Variants in DENND2A observed in about 807,000 individuals in gnomAD.
DENND2A encodes DENN domain containing 2A.
DENND2A carries 53 observed loss-of-function variants against 105.3 expected under a neutral mutation model. The observed-to-expected ratio is 0.50, with a 90% confidence interval of 0.40 to 0.63. The LOEUF is 0.63. Among genes scored for constraint, DENND2A ranks in the 30% least tolerant of loss-of-function variants. DENND2A has a pLI of 0.00. For synonymous variants in DENND2A, 522 were observed against 508.4 expected (o/e 1.03, Z -0.36); for missense variants, 1,138 against 1,279.6 (o/e 0.89, Z 1.69).
chr7:140,608,625 G>T (rs1482467361), intron 1 of DENND2A, among the ~76,000 whole-genome samples: 2 of 151,300 alleles, frequency 1.3e-5, no homozygotes, highest in Non-Finnish European at 2.9e-5. Context: ...GCAGTGAGCT[G>T]AGACTGAACC....
chr7:140,595,520 G>A (rs1799247917), intron 3 of DENND2A, among the ~76,000 whole-genome samples: 1 of 152,080 alleles, frequency 6.6e-6, no homozygotes, highest in Non-Finnish European at 1.5e-5. Context: ...TATAATCCTA[G>A]CACTTTGGTA....
At chr7:140,564,544 A>C (rs1797758878) in intron 9 of DENND2A, among the ~76,000 whole-genome samples, 1 of 152,214 alleles carries the variant, frequency 6.6e-6, no homozygotes, top group Non-Finnish European at 1.5e-5. Context: ...CACCATTAGA[A>C]AAGACTGGAA....
intron 5 of DENND2A, among the ~76,000 whole-genome samples, chr7:140,574,507 C>T (rs1232141793): frequency 6.6e-6 from 1 of 152,100 alleles, no homozygotes; most frequent in Non-Finnish European, 1.5e-5. Context: ...GCATGAGCCA[C>T]CACACCTGGC....
intron 11 of DENND2A, among the ~76,000 whole-genome samples, chr7:140,557,147 G>A (rs1232537952): frequency 6.6e-6 from 1 of 152,076 alleles, no homozygotes; most frequent in Non-Finnish European, 1.5e-5. Flanking sequence ...GTTCATGCCT[G>A]TAATCTCAGC....
chr7:140,602,076 T>A lies in DENND2A; in HGVS notation c.322A>T (p.Lys108Ter). ...GMRPGTESTE[K>*]ERNKGAVNVG... is the part of the protein sequence containing the mutation. ...TTCACTGCTCCTTTATTCCTCTCCT[T>A]CTCTGTGCTCTCTGTTCCTGGCCTC... Residue 108 changes from lysine to a stop codon, truncating the protein, a stop_gained, in exon 3 of 20, where the codon AAG (lysine) becomes TAG (stop). Transcript: ENST00000496613. LOFTEE classifies it high-confidence loss of function. 1 of 1,614,088 alleles carries A rather than the reference T, an allele frequency of 6.2e-7. No homozygotes were observed. The highest frequency in any genetic ancestry group is 8.5e-7 in the Non-Finnish European group (1 of 1,180,004).
chr7:140,637,962 A>AGG (rs1491587044), intron 1 of DENND2A, among the ~76,000 whole-genome samples: 45 of 152,246 alleles, frequency 3.0e-4, no homozygotes, highest in Admixed American at 2.3e-3. Context: ...CTCTGAGATG[A>AGG]CACCCAGTCC....
chr7:140,526,928 G>C (rs1054829428), intron 15 of DENND2A, among the ~76,000 whole-genome samples: 1 of 152,076 alleles, frequency 6.6e-6, no homozygotes, highest in Non-Finnish European at 1.5e-5. Flanking sequence ...CAGAACTTGG[G>C]GATTAAAAAC....
In DENND2A at chr7:140,533,224, C is replaced by G. The variant is rs150249526; in HGVS notation, c.2328-5729G>C. 3.7e-3 allele frequency among the ~76,000 whole-genome samples: 556 copies of G among 152,272 alleles called. 6 individuals are homozygous for G. The highest frequency in any genetic ancestry group is 0.013 in the African/African-American group (521 of 41,550). ...GCCAGGATGGTCTCGATTTCTTGAC[C>G]TCATGATCCACCCGATTCAGCCTCC... On this transcript the variant is annotated intron_variant, in intron 14 of 19. Transcript: ENST00000496613.
intron 8 of DENND2A, among the ~76,000 whole-genome samples, chr7:140,568,353 A>G (rs1797959347): frequency 6.6e-6 from 1 of 152,168 alleles, no homozygotes; most frequent in South Asian, 2.1e-4. Flanking sequence ...TTATTTCAAC[A>G]ACTTCATCAG....
At chr7:140,624,858 G>GTTTTT (rs955912203) in intron 1 of DENND2A, among the ~76,000 whole-genome samples, 2 of 123,790 alleles carry the variant, frequency 1.6e-5, no homozygotes, top group African/African-American at 7.0e-5. Flanking sequence ...TGTTTTTTTT[G>GTTTTT]TTTTTTTTTG....
intron 8 of DENND2A, among the ~76,000 whole-genome samples, chr7:140,567,706 A>C (rs577321276): frequency 3.2e-4 from 49 of 152,256 alleles, no homozygotes; most frequent in African/African-American, 1.0e-3. Context: ...GATGTGACAG[A>C]ATCCAGACTA....
At chr7:140,556,334 A>C (rs1797361450) in intron 11 of DENND2A, among the ~76,000 whole-genome samples, 1 of 150,426 alleles carries the variant, frequency 6.6e-6, no homozygotes, top group African/African-American at 2.4e-5. Flanking sequence ...ATACTTTTAA[A>C]AATTTTTATT....
rs28678462 is a variant in DENND2A at position 140,593,030 on chromosome 7, C to T, written c.996-5250G>A. Reference sequence around the variant, plus strand: ...ATCACACCAATCCTTCAACTGCTAACCTAATTCTGTTCTCTACAAATATTT... The same window carrying T: ...ATCACACCAATCCTTCAACTGCTAATCTAATTCTGTTCTCTACAAATATTT... On this transcript the variant is annotated intron_variant, in intron 3 of 19. Transcript: ENST00000496613. Among the ~76,000 whole-genome samples, 1,012 of 152,256 alleles carry T rather than the reference C, an allele frequency of 6.6e-3. 7 individuals carry two copies. Among genetic ancestry groups the T allele is most frequent in the African/African-American group, 0.023 (943 of 41,514 alleles).
intron 1 of DENND2A, among the ~76,000 whole-genome samples, chr7:140,621,281 C>T (rs1316883223): frequency 6.6e-6 from 1 of 152,140 alleles, no homozygotes; most frequent in African/African-American, 2.4e-5. Flanking sequence ...GCAACCCTCC[C>T]ACCTTGGCCT....
intron 14 of DENND2A, among the ~76,000 whole-genome samples, chr7:140,536,269 C>T (rs563769773): frequency 6.6e-6 from 1 of 151,918 alleles, no homozygotes; most frequent in East Asian, 1.9e-4. Flanking sequence ...GCAGGAGAAT[C>T]ACTTGAAACT....
intron 11 of DENND2A, 148 bp from the exon 12 acceptor site, chr7:140,555,861 T>C: frequency 1.8e-6 from 1 of 562,616 alleles, no homozygotes; most frequent in Non-Finnish European, 3.0e-6. Context: ...TGTTATCCCA[T>C]TGTGTTTATT....
At chr7:140,637,482 C>G (rs1449745479) in intron 1 of DENND2A, among the ~76,000 whole-genome samples, 1 of 152,186 alleles carries the variant, frequency 6.6e-6, no homozygotes, top group African/African-American at 2.4e-5. Flanking sequence ...TCAGCTCCTA[C>G]TCCTGGTTCC....
rs763998156 is a variant in DENND2A at position 140,524,048 on chromosome 7, A to G, written c.2548-624T>C. ...CACTGCTCCATCCTGTAGGGTAGCTAGTGGATTCTGGTAACCAGGGGATTC... is the reference window on the plus strand; with the variant it reads ...CACTGCTCCATCCTGTAGGGTAGCTGGTGGATTCTGGTAACCAGGGGATTC... On this transcript the variant is annotated intron_variant, in intron 16 of 19. Coordinates refer to ENST00000496613, the MANE Select transcript of DENND2A (RefSeq NM_015689.5). Among the ~76,000 whole-genome samples, 28 of 152,258 alleles carry G rather than the reference A, an allele frequency of 1.8e-4. No individual in the cohort carries two copies. The South Asian group carries it at 4.1e-3, about 23-fold the overall frequency.
chr7:140,594,518 C>T (rs904387022), intron 3 of DENND2A, among the ~76,000 whole-genome samples: 2 of 152,186 alleles, frequency 1.3e-5, no homozygotes, highest in Admixed American at 6.5e-5. Context: ...CTACACATCC[C>T]TGCTGAATGT....
Sources: gnomAD v4.1 joint callset for allele counts (sites outside exome capture counted in the v4.1 genomes callset) on GRCh38, gnomAD v4.1.1 for gene constraint, MANE v1.5 for transcripts, NCBI Gene and HGNC (gene_info 2026-07-23, HGNC 2026-07-21) for gene names.